SMTNL2: variants seen among roughly 807,000 people sequenced by gnomAD.
SMTNL2 encodes smoothelin like 2, also known as smoothelin-like protein 2.
SMTNL2 carries 43 observed loss-of-function variants against 44.1 expected under a neutral mutation model. The observed-to-expected ratio is 0.98, with a 90% confidence interval of 0.76 to 1.26. SMTNL2 has a LOEUF of 1.26. Among genes scored for constraint, SMTNL2 ranks in the 50% most tolerant of loss-of-function variants. The pLI is 0.00. For missense variants in SMTNL2, 646 were observed against 670.2 expected, an observed-to-expected ratio of 0.96 and a Z score of 0.40; for synonymous variants, 317 against 287.6, an observed-to-expected ratio of 1.10 and a Z score of -1.03.
intron 1 of SMTNL2, 97 bp downstream of exon 1, chr17:4,585,101 C>T (rs1317403496): frequency 4.9e-6 from 6 of 1,223,786 alleles, no homozygotes; most frequent in Middle Eastern, 3.2e-4. Context: ...CTCGCGTCTG[C>T]GGGGTTGGGG....
chr17:4,595,366 T>C lies in SMTNL2; in HGVS notation c.989+39T>C, dbSNP rs778022482. 3 of 1,598,872 alleles carry C rather than the reference T, an allele frequency of 1.9e-6. No individual in the cohort carries two copies. In the Admixed American group the frequency reaches 5.1e-5, roughly 27 times the overall value. ...CTCACAGACAGGCCCGGCCCCACGG[T>C]GTGCCCAGACCCAGACGGGGCTTGG... is the stretch of plus-strand genomic sequence containing the variant. On this transcript the variant is annotated intron_variant, in intron 5 of 7. Transcript: ENST00000389313. The surrounding 1 kb of genome is among the most constrained non-coding windows in gnomAD (Gnocchi z 5.1).
At chr17:4,588,082 G>A (rs1394060951) in intron 1 of SMTNL2, among the ~76,000 whole-genome samples, 3 of 152,214 alleles carry the variant, frequency 2.0e-5, no homozygotes, top group Non-Finnish European at 2.9e-5. Flanking sequence ...CACACTGTGC[G>A]ATAAGAGAGT....
Position 4,597,157 on chromosome 17 carries a change from C to T in SMTNL2, c.1108-15C>T, listed in dbSNP as rs369487981. 25 of 1,611,432 alleles carry T rather than the reference C, an allele frequency of 1.6e-5. No homozygotes were observed. Among genetic ancestry groups the T allele is most frequent in the African/African-American group, 1.5e-4 (11 of 74,910 alleles). ...CAGCTGCCCTCCCGCACTGACCCCA[C>T]TCACCCTGTTGCAGCACGTGGACCT... On this transcript the variant is annotated splice_polypyrimidine_tract_variant and intron_variant, in intron 6 of 7. Coordinates refer to ENST00000389313, the MANE Select transcript of SMTNL2 (RefSeq NM_001114974.2).
intron 7 of SMTNL2, among the ~76,000 whole-genome samples, chr17:4,605,144 T>C (rs1396760327): frequency 6.7e-6 from 1 of 149,342 alleles, no homozygotes; most frequent in African/African-American, 2.5e-5. Flanking sequence ...TCTCTGACTT[T>C]TTTGTTTGGT....
chr17:4,595,991 G>A lies in SMTNL2; in HGVS notation c.989+664G>A, dbSNP rs1484438150. On this transcript the variant is annotated intron_variant, in intron 5 of 7. Transcript: ENST00000389313. The surrounding 1 kb of genome is among the most constrained non-coding windows in gnomAD (Gnocchi z 5.1). ...CTGCTGTGTGCAGGGTGTGGCCCAC[G>A]CGTGGTATTGATGCCTGCTGTGTGC... Among the ~76,000 whole-genome samples, 2 of 131,240 alleles carry A rather than the reference G, an allele frequency of 1.5e-5. No individual in the cohort carries two copies. The highest frequency in any genetic ancestry group is 2.0e-4 in the East Asian group (1 of 4,978). 86.1% of individuals were successfully genotyped at this position (131,240 alleles called of 152,430 possible).
Position 4,607,267 on chromosome 17 carries a change from G to A in SMTNL2, c.1260-94G>A. On this transcript the variant is annotated intron_variant, in intron 7 of 7. Coordinates refer to ENST00000389313, the MANE Select transcript of SMTNL2 (RefSeq NM_001114974.2). This position sits in a 1 kb window ranked among gnomAD's most constrained non-coding sequence, Gnocchi z 4.7. ...TTGGGAACCTCTGGCTGCCGGCTGA[G>A]CTCTGTTCCCGGGACCGAGACACCG... 6.3e-7 allele frequency: 1 copy of A among 1,576,578 alleles called. No homozygotes were observed. Among genetic ancestry groups the A allele is most frequent in the Non-Finnish European group, 8.6e-7 (1 of 1,159,002 alleles).
At position 4,585,023 on chromosome 17, in the gene SMTNL2, G is replaced by A. The variant is rs1158307413; in HGVS notation, c.399+19G>A. Reference sequence around the variant, plus strand: ...CGGCCAGGTGAGCCCGGGGGAGCGCGTGCGCTGGCGCCAGGGAGTGGGGCT... The same window carrying A: ...CGGCCAGGTGAGCCCGGGGGAGCGCATGCGCTGGCGCCAGGGAGTGGGGCT... On this transcript the variant is annotated intron_variant, in intron 1 of 7. Coordinates refer to ENST00000389313, the MANE Select transcript of SMTNL2 (RefSeq NM_001114974.2). The A allele has an allele frequency of 7.7e-6, 10 of 1,306,768 alleles. No homozygotes were observed. The highest frequency in any genetic ancestry group is 9.7e-6 in the Non-Finnish European group (10 of 1,030,930). 80.9% of individuals were successfully genotyped at this position (1,306,768 alleles called of 1,614,324 possible).
chr17:4,595,519 C>T lies in SMTNL2; in HGVS notation c.989+192C>T, dbSNP rs1156902905. On this transcript the variant is annotated intron_variant, in intron 5 of 7. Coordinates refer to ENST00000389313, the MANE Select transcript of SMTNL2 (RefSeq NM_001114974.2). This position sits in a 1 kb window ranked among gnomAD's most constrained non-coding sequence, Gnocchi z 5.1. ...GGGCAGCTTGGGGGGACAGAGGACC[C>T]CAGTTGTTGGGGGAGATGGCTGTGA... is the stretch of plus-strand genomic sequence containing the variant. Among the ~76,000 whole-genome samples, 1 of 152,180 alleles carries T rather than the reference C, an allele frequency of 6.6e-6. No homozygotes were observed. Among genetic ancestry groups the T allele is most frequent in the African/African-American group, 2.4e-5 (1 of 41,448 alleles).
At position 4,598,186 on chromosome 17, in the gene SMTNL2, C is replaced by T. The variant is rs1284547461; in HGVS notation, c.1259+863C>T. 6.6e-6 allele frequency among the ~76,000 whole-genome samples: 1 copy of T among 152,188 alleles called. No individual in the cohort carries two copies. Among genetic ancestry groups the T allele is most frequent in the Non-Finnish European group, 1.5e-5 (1 of 68,036 alleles). The stretch of plus-strand genomic sequence containing the variant: ...ATGGTTGCAGTCAGCTCGCTGCGAC[C>T]TGGCAGGGAGGGAGCTGTGGATAAG... On this transcript the variant is annotated intron_variant, in intron 7 of 7. Coordinates refer to ENST00000389313, the MANE Select transcript of SMTNL2 (RefSeq NM_001114974.2). This position sits in a 1 kb window ranked among gnomAD's most constrained non-coding sequence, Gnocchi z 4.8.
chr17:4,590,966 G>C (rs1431938797), intron 1 of SMTNL2, among the ~76,000 whole-genome samples: 1 of 152,218 alleles, frequency 6.6e-6, no homozygotes, highest in Non-Finnish European at 1.5e-5. Flanking sequence ...GCATGATCAG[G>C]ATACCTGTGC....
intron 1 of SMTNL2, among the ~76,000 whole-genome samples, 171 bp downstream of exon 1, chr17:4,585,175 G>A (rs544392068): frequency 2.0e-5 from 3 of 152,218 alleles, no homozygotes; most frequent in East Asian, 1.9e-4. Flanking sequence ...TGGAGAGGGC[G>A]GGGGGAGGAC....
chr17:4,584,260 C>T (rs1260846017), upstream of SMTNL2, among the ~76,000 whole-genome samples: 1 of 152,190 alleles, frequency 6.6e-6, no homozygotes, highest in African/African-American at 2.4e-5. Flanking sequence ...CGCGTCAGCC[C>T]GGGTGTGCTC....
chr17:4,597,393 G>A (rs1909865283), intron 7 of SMTNL2, 70 bp downstream of exon 7: 1 of 1,576,994 alleles, frequency 6.3e-7, no homozygotes, highest in South Asian at 1.2e-5. Context: ...TCCCCAGGTG[G>A]GGCATGGGGG....
rs1909779523 is a variant in SMTNL2 at position 4,595,717 on chromosome 17, C to T, written c.989+390C>T. ...ACTGGATGGGGACTGGGATTCCTGG[C>T]CAGAGCTGGGAGCCCCAGCATGGGG... On this transcript the variant is annotated intron_variant, in intron 5 of 7. Coordinates refer to ENST00000389313, the MANE Select transcript of SMTNL2 (RefSeq NM_001114974.2). This position sits in a 1 kb window ranked among gnomAD's most constrained non-coding sequence, Gnocchi z 5.1. 6.6e-6 allele frequency among the ~76,000 whole-genome samples: 1 copy of T among 152,198 alleles called. No homozygotes were observed. Among genetic ancestry groups the T allele is most frequent in the Admixed American group, 6.5e-5 (1 of 15,276 alleles).
chr17:4,606,184 C>T (rs928369492), intron 7 of SMTNL2, among the ~76,000 whole-genome samples: 2 of 152,030 alleles, frequency 1.3e-5, no homozygotes, highest in East Asian at 1.9e-4. Flanking sequence ...TGCAATCGCA[C>T]GATCTCGGCT....
chr17:4,595,298 G>A lies in SMTNL2; in HGVS notation c.960G>A (p.Glu320=), dbSNP rs753393283. 3.7e-6 allele frequency: 6 copies of A among 1,612,898 alleles called. No individual in the cohort carries two copies. The East Asian group carries it at 8.9e-5, about 24-fold the overall frequency. Residue 320 remains glutamate (E), a synonymous_variant, in exon 5 of 8, where the codon GAG becomes GAA. Transcript: ENST00000389313. The surrounding 1 kb of genome is among the most constrained non-coding windows in gnomAD (Gnocchi z 5.1). ...CGCAGGCCCGGAAAGCATTGTTTGA[G>A]AAGTGGGAGCAGGAAACGGCGGCCG... ...SEAQARKALF[E]KWEQETAAGK...
chr17:4,593,150 C>T lies in SMTNL2; in HGVS notation c.709C>T (p.Pro237Ser). The change falls in exon 3 of 8, where the codon CCC (proline) becomes TCC (serine). Residue 237 changes from proline to serine, a missense_variant. Physicochemically the swap from Pro to Ser is moderately conservative, Grantham distance 74 (BLOSUM62 -1). Coordinates refer to ENST00000389313, the MANE Select transcript of SMTNL2 (RefSeq NM_001114974.2). ...CCCAAGCCCCAGCGAGGTCATCACG[C>T]CCTGGACTCCCAGTCCTAGCGGTAT... ...LNPSPSEVIT[P>S]WTPSPSEKNS... The T allele has an allele frequency of 6.2e-7, 1 of 1,607,464 alleles. No individual in the cohort carries two copies. Among genetic ancestry groups the T allele is most frequent in the Non-Finnish European group, 8.5e-7 (1 of 1,175,548 alleles).
Position 4,592,133 on chromosome 17 carries a change from C to T in SMTNL2, c.400-228C>T, listed in dbSNP as rs1424595748. Among the ~76,000 whole-genome samples, 1 of 152,228 alleles carries T rather than the reference C, an allele frequency of 6.6e-6. No homozygotes were observed. The highest frequency in any genetic ancestry group is 1.5e-5 in the Non-Finnish European group (1 of 68,046). ...CAGCTTTTTGGGACTCTGGGAGGAG[C>T]CCAGTGGAGGTGTTTGCCTCCCAGG... On this transcript the variant is annotated intron_variant, in intron 1 of 7. Transcript: ENST00000389313. This position sits in a 1 kb window ranked among gnomAD's most constrained non-coding sequence, Gnocchi z 4.5.
rs947809252 is a variant in SMTNL2, at chr17:4,600,596, G to A, written c.1259+3273G>A. 6.6e-6 allele frequency among the ~76,000 whole-genome samples: 1 copy of A among 152,192 alleles called. No homozygotes were observed. The highest frequency in any genetic ancestry group is 2.4e-5 in the African/African-American group (1 of 41,438). On this transcript the variant is annotated intron_variant, in intron 7 of 7. Coordinates refer to ENST00000389313, the MANE Select transcript of SMTNL2 (RefSeq NM_001114974.2). The surrounding 1 kb of genome is among the most constrained non-coding windows in gnomAD (Gnocchi z 4.7). ...CCCCACCTGATAATTTATGGTCCCA[G>A]AGATTCCCGGTGGCCTAATCTGTGT...
Sources: allele counts gnomAD v4.1 joint callset (sites outside exome capture counted in the v4.1 genomes callset), GRCh38; gene constraint gnomAD v4.1.1; non-coding constraint Gnocchi (gnomAD v3.1); transcripts MANE v1.5; gene names NCBI Gene and HGNC (gene_info 2026-07-23, HGNC 2026-07-21).